Variants in RBM6 observed in about 807,000 individuals in gnomAD.
The protein encoded by RBM6 is RNA-binding protein 6.
Under a neutral mutation model 140.4 loss-of-function variants are expected in RBM6, and 23 were observed. That is an observed-to-expected ratio of 0.16 (90% CI 0.12 to 0.23). RBM6 has a LOEUF of 0.23. RBM6 is among the 10% of genes least tolerant of loss of function. The probability of loss-of-function intolerance (pLI) is 1.00; values close to 1 mark genes in which losing one functional copy is unlikely to be tolerated. For missense variants in RBM6, 1,139 were observed against 1,386.7 expected (o/e 0.82, Z 2.84); for synonymous variants, 439 against 475.6 (o/e 0.92, Z 1.00).
chr3:50,026,741 A>G (rs1269795696), intron 6 of RBM6, among the ~76,000 whole-genome samples: 1 of 151,826 alleles, frequency 6.6e-6, no homozygotes, highest in Non-Finnish European at 1.5e-5. Context: ...GTGAATCCCC[A>G]TATCTACCAA....
chr3:50,073,846 C>T (rs996481613), intron 19 of RBM6, among the ~76,000 whole-genome samples: 20 of 147,204 alleles, frequency 1.4e-4, no homozygotes, highest in Middle Eastern at 7.3e-3. Flanking sequence ...CCCATGCAGC[C>T]TTTTTTTTTT....
intron 1 of RBM6, among the ~76,000 whole-genome samples, chr3:49,949,242 G>A (rs1283017208): frequency 6.6e-6 from 1 of 151,632 alleles, no homozygotes; most frequent in East Asian, 1.9e-4. Context: ...AAAAAATTAT[G>A]AAATAAAAAG....
intron 4 of RBM6, among the ~76,000 whole-genome samples, chr3:49,974,063 A>C (rs902689725): frequency 6.6e-6 from 1 of 151,420 alleles, no homozygotes; most frequent in Non-Finnish European, 1.5e-5. Flanking sequence ...ACGCCCGGCT[A>C]AGTTTTTGTA....
chr3:49,945,488 C>A (rs2108567496), intron 1 of RBM6, among the ~76,000 whole-genome samples: 1 of 152,176 alleles, frequency 6.6e-6, no homozygotes, highest in South Asian at 2.1e-4. Context: ...TTGTTATAGA[C>A]TGAATTGTGT....
Position 49,994,812 on chromosome 3 carries a change from A to C in RBM6, c.1484-4628A>C, listed in dbSNP as rs2086005014. Among the ~76,000 whole-genome samples, 3 of 152,040 alleles carry C rather than the reference A, an allele frequency of 2.0e-5. No homozygotes were observed. The South Asian group carries it at 6.2e-4, about 32-fold the overall frequency. On this transcript the variant is annotated intron_variant, in intron 5 of 20. Transcript: ENST00000266022. Reference sequence around the variant, plus strand: ...CTTTAAAATCCTGATTCCCCGTTTTACTTTCTGGATGTGTATTCTGGGCTT... The same window carrying C: ...CTTTAAAATCCTGATTCCCCGTTTTCCTTTCTGGATGTGTATTCTGGGCTT...
rs1481726645 is a variant in RBM6, at chr3:49,968,672, G to A, written c.1247G>A (p.Ser416Asn). ...GATGTGGATCATAGGCTGCCAGGAA[G>A]CCAGATGTTTGGCTATGGCCAGAGC... ...YRDVDHRLPG[S>N]QMFGYGQSKS... The change falls in exon 3 of 21, where the codon AGC (serine) becomes AAC (asparagine). Residue 416 changes from serine (S) to asparagine (N), a missense_variant. By Grantham distance (46) the Ser-to-Asn change is conservative. Transcript: ENST00000266022. 9 of 1,612,472 alleles carry A rather than the reference G, an allele frequency of 5.6e-6. No homozygotes were observed. The highest frequency in any genetic ancestry group is 5.1e-6 in the Non-Finnish European group (6 of 1,179,232).
At chr3:49,965,687 G>C (rs1028399124) in intron 2 of RBM6, among the ~76,000 whole-genome samples, 1 of 151,218 alleles carries the variant, frequency 6.6e-6, no homozygotes, top group Admixed American at 6.6e-5. Context: ...AAAAAAAGAA[G>C]AACATCTAAA....
At chr3:49,964,797 T>G (rs537965260) in intron 2 of RBM6, among the ~76,000 whole-genome samples, 1 of 152,216 alleles carries the variant, frequency 6.6e-6, no homozygotes, top group Non-Finnish European at 1.5e-5. Context: ...TCAGAAATGT[T>G]AGGTTAATTT....
chr3:50,000,072 T>G (rs1206938298), intron 6 of RBM6, among the ~76,000 whole-genome samples: 1 of 152,188 alleles, frequency 6.6e-6, no homozygotes, highest in Admixed American at 6.5e-5. Context: ...CATACTCAAG[T>G]CCTTGGCTGC....
At chr3:49,960,114 A>G (rs998325324) in intron 1 of RBM6, among the ~76,000 whole-genome samples, 2 of 152,148 alleles carry the variant, frequency 1.3e-5, no homozygotes, top group African/African-American at 2.4e-5. Context: ...AGAAACATGC[A>G]CCTTATGTCT....
intron 3 of RBM6, among the ~76,000 whole-genome samples, chr3:49,971,560 G>A (rs1402237948): frequency 1.3e-5 from 2 of 150,460 alleles, no homozygotes; most frequent in African/African-American, 4.9e-5. Flanking sequence ...TTTTTGAGAC[G>A]GGGGTCTCGC....
intron 6 of RBM6, among the ~76,000 whole-genome samples, chr3:50,028,563 C>G (rs1355165601): frequency 6.6e-6 from 1 of 152,088 alleles, no homozygotes; most frequent in Non-Finnish European, 1.5e-5. Flanking sequence ...GTTAGACATG[C>G]TTGGGTAGTT....
Position 49,967,772 on chromosome 3 carries a change from G to T in RBM6, c.347G>T (p.Arg116Met). Residue 116 changes from arginine (R) to methionine (M), a missense_variant, in exon 3 of 21, where the codon AGG becomes ATG. Transcript: ENST00000266022. The surrounding 1 kb of genome is among the most constrained non-coding windows in gnomAD (Gnocchi z 4.0). ...QSRDSSQLDFRGRDIHSGDFR... is the reference protein window; with the variant it reads ...QSRDSSQLDFMGRDIHSGDFR... ...AGAGATTCATCACAGTTGGACTTCA[G>T]GGGTAGGGACATACATTCTGGGGAT... 3 of 1,614,122 alleles carry T rather than the reference G, an allele frequency of 1.9e-6. No individual in the cohort carries two copies. The highest frequency in any genetic ancestry group is 2.5e-6 in the Non-Finnish European group (3 of 1,180,030).
intron 17 of RBM6, 94 bp downstream of exon 17, chr3:50,066,596 G>A (rs1010788252): frequency 6.8e-7 from 1 of 1,464,008 alleles, no homozygotes; most frequent in African/African-American, 1.4e-5. Context: ...GGGAGGCCGA[G>A]GCGGGTGGAT....
intron 6 of RBM6, among the ~76,000 whole-genome samples, chr3:50,004,252 CCCTTT>C (rs1166030859): frequency 5.9e-5 from 9 of 151,450 alleles, no homozygotes; most frequent in Admixed American, 1.3e-4. Context: ...TTCTCCTTTC[CCCTTT>C]CCTTTCCTTT....
At chr3:49,968,916 A>G (rs2084644254) in intron 3 of RBM6, among the ~76,000 whole-genome samples, 168 bp downstream of exon 3, 1 of 149,728 alleles carries the variant, frequency 6.7e-6, no homozygotes, top group African/African-American at 2.5e-5. Flanking sequence ...AGTAGCTGGG[A>G]CTGACTACAG....
intron 5 of RBM6, among the ~76,000 whole-genome samples, chr3:49,997,566 C>T (rs1303835856): frequency 6.6e-6 from 1 of 152,156 alleles, no homozygotes; most frequent in East Asian, 1.9e-4. Context: ...GGGTTGCTTT[C>T]CACACACCTG....
intron 6 of RBM6, among the ~76,000 whole-genome samples, chr3:50,039,614 A>G (rs1024870898): frequency 3.3e-5 from 5 of 152,190 alleles, no homozygotes; most frequent in Admixed American, 2.6e-4. Context: ...TAGGTGAACC[A>G]TTGCTCTAAA....
intron 17 of RBM6, among the ~76,000 whole-genome samples, chr3:50,067,977 G>A (rs1302308415): frequency 6.6e-6 from 1 of 152,176 alleles, no homozygotes; most frequent in Admixed American, 6.6e-5. Flanking sequence ...CATGTCCTTT[G>A]ACCTGAAGTT....
Sources: gnomAD v4.1 joint callset for allele counts (sites outside exome capture counted in the v4.1 genomes callset) on GRCh38, gnomAD v4.1.1 for gene constraint, Gnocchi (gnomAD v3.1) non-coding constraint, MANE v1.5 for transcripts, NCBI Gene and HGNC (gene_info 2026-07-23, HGNC 2026-07-21) for gene names.